TULP2: variants seen among roughly 807,000 people sequenced by gnomAD.
TULP2 encodes TUB like protein 2, also known as tubby-related protein 2.
Under a neutral mutation model 60.3 loss-of-function variants are expected in TULP2, and 64 were observed. The ratio of observed to expected loss-of-function variants is 1.06; its 90% confidence interval spans 0.87 to 1.31. The LOEUF (loss-of-function observed/expected upper bound fraction) is 1.31. Ranked by LOEUF, TULP2 falls within the 50% of genes most tolerant of loss-of-function variation. The probability of loss-of-function intolerance (pLI) is 0.00; values close to 1 mark genes in which losing one functional copy is unlikely to be tolerated. For missense variants in TULP2, 652 were observed against 667.0 expected (o/e 0.98, Z 0.25); for synonymous variants, 267 against 265.4 (o/e 1.01, Z -0.06).
chr19:48,886,386 A>C (rs2037179652), intron 8 of TULP2, among the ~76,000 whole-genome samples: 1 of 151,820 alleles, frequency 6.6e-6, no homozygotes, highest in Non-Finnish European at 1.5e-5. Context: ...TTCCTATCTT[A>C]ATATCTCCTC....
rs2037155774 is a variant in TULP2, at chr19:48,883,825, G to GC, written c.1203dup (p.Pro402AlafsTer25). On this transcript the variant is annotated frameshift_variant, in exon 11 of 13. Transcript: ENST00000221399. LOFTEE classifies it high-confidence loss of function. ...GGGAGAATCACAGTCATTTTCCGAG[G>GC]CCCCAGGTATCCTAAGACGTTGGGC... The GC allele has an allele frequency of 6.2e-7, 1 of 1,614,062 alleles. No individual in the cohort carries two copies. The highest frequency in any genetic ancestry group is 8.5e-7 in the Non-Finnish European group (1 of 1,180,020).
At chr19:48,883,489 C>T (rs1271759609) in intron 11 of TULP2, among the ~76,000 whole-genome samples, 1 of 152,160 alleles carries the variant, frequency 6.6e-6, no homozygotes, top group African/African-American at 2.4e-5. Flanking sequence ...TCCAAGAACC[C>T]TCTCTTGGAG....
intron 5 of TULP2, 44 bp downstream of exon 5, chr19:48,895,322 G>C: frequency 1.9e-6 from 3 of 1,603,316 alleles, no homozygotes; most frequent in Non-Finnish European, 2.6e-6. Flanking sequence ...GTTTTAGTGG[G>C]GACGGAGTTC....
rs1408825908 is a variant in TULP2, at chr19:48,881,094, C to T, written c.1480G>A (p.Gly494Ser). 8.1e-6 allele frequency: 13 copies of T among 1,613,538 alleles called. No homozygotes were observed. In the South Asian group the frequency reaches 1.3e-4, roughly 16 times the overall value. The change falls in exon 13 of 13, where the codon GGC (glycine) becomes AGC (serine). Residue 494 changes from glycine to serine, a missense_variant. Physicochemically the swap from Gly to Ser is moderately conservative, Grantham distance 56 (BLOSUM62 0). Coordinates refer to ENST00000221399, the MANE Select transcript of TULP2 (RefSeq NM_003323.3). ...EHLVLQFGRV[G>S]PDTFTMDFCF... ...AAGTCCATGGTGAATGTGTCTGGGCCCACTCGGCCGAACTGGAGCACCAGA... is the reference window on the plus strand; with the variant it reads ...AAGTCCATGGTGAATGTGTCTGGGCTCACTCGGCCGAACTGGAGCACCAGA...
chr19:48,897,346 T>C lies in TULP2; in HGVS notation c.83A>G (p.Gln28Arg), dbSNP rs550602282. Residue 28 changes from glutamine (Q) to arginine (R), a missense_variant and splice_region_variant, in exon 3 of 13, where the codon CAG (glutamine) becomes CGG (arginine). Coordinates refer to ENST00000221399, the MANE Select transcript of TULP2 (RefSeq NM_003323.3). The surrounding 1 kb of genome is among the most constrained non-coding windows in gnomAD (Gnocchi z 4.0). ...AAMRLQKLEQQRRLFEKKQRQ... is the reference protein window; with the variant it reads ...AAMRLQKLEQRRRLFEKKQRQ... Reference sequence around the variant, plus strand: ...TGGTGAGATTCCTGGGCACAATACCTGCTGTTCCAGCTTCTGCAGCCTCAT... The same window carrying C: ...TGGTGAGATTCCTGGGCACAATACCCGCTGTTCCAGCTTCTGCAGCCTCAT... 32 of 1,613,654 alleles carry C rather than the reference T, an allele frequency of 2.0e-5. No individual in the cohort carries two copies. In the South Asian group the frequency reaches 3.2e-4, roughly 16 times the overall value.
rs2122142155 is a variant in TULP2, at chr19:48,895,515, T to C, written c.212-12A>G. The C allele has an allele frequency of 6.3e-7, 1 of 1,593,946 alleles. No individual in the cohort carries two copies. Among genetic ancestry groups the C allele is most frequent in the Non-Finnish European group, 8.6e-7 (1 of 1,165,486 alleles). ...AGGGTTCCCAAGGCCTGGGAGAAGG[T>C]TCAGCGAGCCCATGAAAACGATCTA... is the stretch of plus-strand genomic sequence containing the variant. On this transcript the variant is annotated splice_polypyrimidine_tract_variant and intron_variant, in intron 4 of 12. Coordinates refer to ENST00000221399, the MANE Select transcript of TULP2 (RefSeq NM_003323.3).
chr19:48,881,858 A>T, intron 12 of TULP2, 174 bp downstream of exon 12: 2 of 829,308 alleles, frequency 2.4e-6, no homozygotes, highest in Non-Finnish European at 3.7e-6. Flanking sequence ...TGCCCTTACT[A>T]AGCCAGAAAC....
chr19:48,895,839 A>G (rs1166831180), intron 4 of TULP2, among the ~76,000 whole-genome samples: 1 of 152,154 alleles, frequency 6.6e-6, no homozygotes, highest in African/African-American at 2.4e-5. Flanking sequence ...ATATCCTGCC[A>G]TTGTACTCCA....
intron 6 of TULP2, among the ~76,000 whole-genome samples, chr19:48,890,290 TA>T (rs543161094): frequency 1.1e-3 from 169 of 152,236 alleles, no homozygotes; most frequent in African/African-American, 3.9e-3. Context: ...TATGCATATC[TA>T]AAAGCACAGC....
chr19:48,897,307 C>T lies in TULP2; in HGVS notation c.84+38G>A, dbSNP rs571393285. 21 of 1,610,362 alleles carry T rather than the reference C, an allele frequency of 1.3e-5. No homozygotes were observed. The highest frequency in any genetic ancestry group is 1.1e-4 in the East Asian group (5 of 44,816). ...GAGGCCCCTGGGGAGGCACAGAAGG[C>T]GGAAGAGTTGGAGTGGTGAGATTCC... is the stretch of plus-strand genomic sequence containing the variant. On this transcript the variant is annotated intron_variant, in intron 3 of 12. Transcript: ENST00000221399. This position sits in a 1 kb window ranked among gnomAD's most constrained non-coding sequence, Gnocchi z 4.0.
Position 48,897,723 on chromosome 19 carries a change from T to A in TULP2, c.32+114A>T. The A allele has an allele frequency of 8.6e-7, 1 of 1,164,008 alleles. No homozygotes were observed. The highest frequency in any genetic ancestry group is 1.3e-6 in the Non-Finnish European group (1 of 773,884). 72.1% of individuals were successfully genotyped at this position (1,164,008 alleles called of 1,614,324 possible). A position where few individuals can be genotyped will look rare whatever the true frequency, so the allele number is the denominator to read the frequency against. On this transcript the variant is annotated intron_variant, in intron 2 of 12. Transcript: ENST00000221399. This position sits in a 1 kb window ranked among gnomAD's most constrained non-coding sequence, Gnocchi z 4.0. Reference sequence around the variant, plus strand: ...ACAGGAGTCCAGGTCCCCAGCCCCTTCCTGCAAGGCCGATGGTGCTGAACC... The same window carrying A: ...ACAGGAGTCCAGGTCCCCAGCCCCTACCTGCAAGGCCGATGGTGCTGAACC...
At position 48,897,808 on chromosome 19, in the gene TULP2, CACCCCT is replaced by C; in HGVS notation, c.32+23_32+28del. ...CGGGGTCCCCAGCCCTTTCCACCTC[CACCCCT>C]ACCCATCTGTTTCCCTACTCACTCT... On this transcript the variant is annotated intron_variant, in intron 2 of 12. Transcript: ENST00000221399. The surrounding 1 kb of genome is among the most constrained non-coding windows in gnomAD (Gnocchi z 4.0). 1.2e-6 allele frequency: 2 copies of C among 1,613,330 alleles called. No homozygotes were observed. The highest frequency in any genetic ancestry group is 8.5e-7 in the Non-Finnish European group (1 of 1,179,550).
At position 48,897,933 on chromosome 19, in the gene TULP2, C is replaced by T; in HGVS notation, c.-1-64G>A. 7.4e-7 allele frequency: 1 copy of T among 1,348,904 alleles called. No individual in the cohort carries two copies. The highest frequency in any genetic ancestry group is 1.0e-6 in the Non-Finnish European group (1 of 975,252). The allele number at this position is 1,348,904 out of a possible 1,614,324, so 83.6% of individuals were successfully genotyped here. On this transcript the variant is annotated intron_variant, in intron 1 of 12. Transcript: ENST00000221399. The surrounding 1 kb of genome is among the most constrained non-coding windows in gnomAD (Gnocchi z 4.0). ...CATCCCAATGGATCCTGCCCACCAGCACCTAATCTTTAGCCTTATTTATTT... is the reference window on the plus strand; with the variant it reads ...CATCCCAATGGATCCTGCCCACCAGTACCTAATCTTTAGCCTTATTTATTT...
chr19:48,896,314 C>G (rs569614564), intron 4 of TULP2, 116 bp downstream of exon 4: 2 of 1,380,300 alleles, frequency 1.4e-6, no homozygotes, highest in African/African-American at 1.5e-5. Flanking sequence ...AGGCCCGCCC[C>G]CATCCACTGC....
At position 48,884,947 on chromosome 19, in the gene TULP2, C is replaced by T. The variant is rs1037100512; in HGVS notation, c.1061+501G>A. ...TTTTTTTTTTTTTCTGTTGCCCAAG[C>T]TGGAGTGCAGTGGCTCAATCTTAGC... On this transcript the variant is annotated intron_variant, in intron 9 of 12. Transcript: ENST00000221399. Among the ~76,000 whole-genome samples, 8 of 125,592 alleles carry T rather than the reference C, an allele frequency of 6.4e-5. No individual in the cohort carries two copies. The Admixed American group carries it at 7.8e-4, about 12-fold the overall frequency. The allele number at this position is 125,592 out of a possible 152,430, so 82.4% of individuals were successfully genotyped here.
At chr19:48,881,540 C>A (rs1044357745) in intron 12 of TULP2, among the ~76,000 whole-genome samples, 1 of 151,982 alleles carries the variant, frequency 6.6e-6, no homozygotes, top group Non-Finnish European at 1.5e-5. Context: ...CACCACTACA[C>A]CCAGCTAATT....
intron 11 of TULP2, 107 bp from the exon 12 acceptor site, chr19:48,882,310 C>CT: frequency 2.3e-6 from 3 of 1,304,654 alleles, no homozygotes; most frequent in Non-Finnish European, 3.2e-6. Flanking sequence ...TGAACAGGGG[C>CT]TGGGTAAAAT....
At chr19:48,896,324 C>G in intron 4 of TULP2, 106 bp downstream of exon 4, 1 of 1,422,170 alleles carries the variant, frequency 7.0e-7, no homozygotes. Flanking sequence ...CCATCCACTG[C>G]CAAGTCCCCA....
At chr19:48,889,756 T>C (rs1267807008) in intron 6 of TULP2, 125 bp from the exon 7 acceptor site, 21 of 805,920 alleles carry the variant, frequency 2.6e-5, no homozygotes, top group Non-Finnish European at 3.2e-5. Context: ...GCTGTTAATC[T>C]ATAACCTTAC....
Sources: gnomAD v4.1 joint callset for allele counts (sites outside exome capture counted in the v4.1 genomes callset) on GRCh38, gnomAD v4.1.1 for gene constraint, Gnocchi (gnomAD v3.1) non-coding constraint, MANE v1.5 for transcripts, NCBI Gene and HGNC (gene_info 2026-07-23, HGNC 2026-07-21) for gene names.